PRKN: variants seen among roughly 807,000 people sequenced by gnomAD.
PRKN encodes the protein E3 ubiquitin-protein ligase parkin.
Under a neutral mutation model 59.5 loss-of-function variants are expected in PRKN, and 56 were observed. The observed-to-expected ratio is 0.94, with a 90% CI of 0.76 to 1.18. The LOEUF (loss-of-function observed/expected upper bound fraction) is 1.18, where lower values mean the gene tolerates loss of function less well. PRKN is among the 50% of genes most tolerant of loss of function. The pLI is 0.00. For synonymous variants in PRKN, 250 were observed against 222.1 expected (o/e 1.13, Z -1.12); for missense variants, 657 against 596.4 (o/e 1.10, Z -1.06).
At chr6:162,522,656 T>C (rs1778123590) in intron 1 of PRKN, among the ~76,000 whole-genome samples, 1 of 152,200 alleles carries the variant, frequency 6.6e-6, no homozygotes, top group Admixed American at 6.5e-5. Flanking sequence ...CTCCAAGAGC[T>C]ATTAGGTGAG....
At chr6:162,422,350 T>G (rs1451206359) in intron 2 of PRKN, among the ~76,000 whole-genome samples, 1 of 152,186 alleles carries the variant, frequency 6.6e-6, no homozygotes, top group Non-Finnish European at 1.5e-5. Context: ...ACAGTAACAT[T>G]GCTGTCAAGC....
intron 6 of PRKN, among the ~76,000 whole-genome samples, chr6:161,943,317 T>C (rs936358538): frequency 3.3e-5 from 5 of 152,256 alleles, no homozygotes; most frequent in African/African-American, 1.2e-4. Flanking sequence ...ATGTCATTCA[T>C]CAAATGCTAT....
chr6:161,665,545 G>T (rs540464994), intron 7 of PRKN, among the ~76,000 whole-genome samples: 2 of 152,224 alleles, frequency 1.3e-5, no homozygotes, highest in East Asian at 3.9e-4. Flanking sequence ...ATTCAGGTAG[G>T]CTCCATGCCG....
chr6:161,800,946 G>A (rs1405659853), intron 6 of PRKN, among the ~76,000 whole-genome samples: 1 of 152,184 alleles, frequency 6.6e-6, no homozygotes, highest in East Asian at 1.9e-4. Context: ...GCCCACTCCT[G>A]TGTTTTCTCT....
At chr6:162,602,347 G>GGGA (rs1781745368) in intron 1 of PRKN, among the ~76,000 whole-genome samples, 1 of 152,176 alleles carries the variant, frequency 6.6e-6, no homozygotes. Context: ...GGGAAGCAAG[G>GGGA]GGAGGCATCA....
intron 5 of PRKN, among the ~76,000 whole-genome samples, chr6:161,990,066 C>T (rs2128257885): frequency 6.6e-6 from 1 of 152,198 alleles, no homozygotes; most frequent in Admixed American, 6.5e-5. Context: ...ACCCAGGAGC[C>T]CAAGGACCAG....
chr6:162,558,327 C>CTTTT (rs71278562), intron 1 of PRKN, among the ~76,000 whole-genome samples: 34,590 of 132,324 alleles, frequency 0.26, 5,433 homozygotes, highest in East Asian at 0.45. Context: ...TTAATTTTCC[C>CTTTT]TTTTTTTTTT....
intron 6 of PRKN, among the ~76,000 whole-genome samples, chr6:161,897,810 A>G (rs1163674237): frequency 2.8e-5 from 3 of 106,496 alleles, no homozygotes; most frequent in South Asian, 6.8e-4. Context: ...TCTACTGAAA[A>G]TACAAAAAGT....
Position 162,133,824 on chromosome 6 carries a change from A to T in PRKN, c.534+67307T>A, listed in dbSNP as rs1347342747. On this transcript the variant is annotated intron_variant, in intron 4 of 11. Transcript: ENST00000366898. ...AAGAAAATGACCATGTCATTTGGGGATGTGAGGATTCTTGGAGTCGTTTTG... is the reference window on the plus strand; with the variant it reads ...AAGAAAATGACCATGTCATTTGGGGTTGTGAGGATTCTTGGAGTCGTTTTG... Among the ~76,000 whole-genome samples, 3 of 151,992 alleles carry T rather than the reference A, an allele frequency of 2.0e-5. No individual in the cohort carries two copies. The South Asian group carries it at 6.2e-4, about 32-fold the overall frequency.
chr6:162,573,022 A>G (rs897123960), intron 1 of PRKN, among the ~76,000 whole-genome samples: 2 of 152,214 alleles, frequency 1.3e-5, no homozygotes, highest in African/African-American at 4.8e-5. Context: ...GACATACAGA[A>G]TATCTTAAAA....
chr6:162,426,017 T>C (rs942652465), intron 2 of PRKN, among the ~76,000 whole-genome samples: 1 of 152,196 alleles, frequency 6.6e-6, no homozygotes, highest in Non-Finnish European at 1.5e-5. Flanking sequence ...ACTCATAGCA[T>C]ACTTACCAGT....
chr6:162,388,899 C>T (rs1787001635), intron 2 of PRKN, among the ~76,000 whole-genome samples: 1 of 151,290 alleles, frequency 6.6e-6, no homozygotes, highest in South Asian at 2.1e-4. Context: ...AAGACTTACC[C>T]ACTGTCCAGT....
chr6:161,786,663 C>T (rs1395946332), intron 6 of PRKN, among the ~76,000 whole-genome samples: 1 of 152,018 alleles, frequency 6.6e-6, no homozygotes, highest in Non-Finnish European at 1.5e-5. Flanking sequence ...TCCCCACTAT[C>T]AAAAGAAAAA....
In PRKN at chr6:161,447,754, A is replaced by G. The variant is rs183740300; in HGVS notation, c.1084-60877T>C. The stretch of plus-strand genomic sequence containing the variant: ...ATGATCAGCCCGCCTCGGCCTCCCA[A>G]TGTGCTGGGATTACAGGTATGAGCC... On this transcript the variant is annotated intron_variant, in intron 9 of 11. Transcript: ENST00000366898. This position sits in a 1 kb window ranked among gnomAD's most constrained non-coding sequence, Gnocchi z 4.1. 9.7e-4 allele frequency among the ~76,000 whole-genome samples: 148 copies of G among 152,230 alleles called. No homozygotes were observed. The highest frequency in any genetic ancestry group is 3.5e-3 in the African/African-American group (144 of 41,524).
chr6:161,636,050 C>T (rs138789566), intron 7 of PRKN, among the ~76,000 whole-genome samples: 1 of 152,288 alleles, frequency 6.6e-6, no homozygotes, highest in African/African-American at 2.4e-5. Context: ...CTGGTGCCCC[C>T]GAAACATGAG....
intron 1 of PRKN, among the ~76,000 whole-genome samples, chr6:162,628,180 G>T (rs1782971565): frequency 6.6e-6 from 1 of 152,146 alleles, no homozygotes; most frequent in Admixed American, 6.6e-5. Flanking sequence ...GGTCGTTTCT[G>T]AAAGTTTTGA....
chr6:162,556,178 A>C (rs1779560811), intron 1 of PRKN, among the ~76,000 whole-genome samples: 1 of 152,076 alleles, frequency 6.6e-6, no homozygotes, highest in African/African-American at 2.4e-5. Context: ...GAAACAGGTA[A>C]GTAAGACATA....
chr6:162,406,667 C>T (rs1321020152), intron 2 of PRKN, among the ~76,000 whole-genome samples: 3 of 152,156 alleles, frequency 2.0e-5, no homozygotes, highest in Non-Finnish European at 2.9e-5. Flanking sequence ...TACCAAGGCC[C>T]TGGGAACCCT....
In PRKN at chr6:161,575,892, T is replaced by G. The variant is rs1484811858; in HGVS notation, c.872-6476A>C. Among the ~76,000 whole-genome samples the G allele has an allele frequency of 6.6e-6, 1 of 152,122 alleles. No individual in the cohort carries two copies. Among genetic ancestry groups the G allele is most frequent in the Non-Finnish European group, 1.5e-5 (1 of 68,024 alleles). On this transcript the variant is annotated intron_variant, in intron 7 of 11. Transcript: ENST00000366898. The surrounding 1 kb of genome is among the most constrained non-coding windows in gnomAD (Gnocchi z 4.6). The stretch of plus-strand genomic sequence containing the variant: ...GAAACCGACTAACGACAAAATGGCA[T>G]CAAAAATAAATGAAGATTCAATGTG...
Sources: allele counts gnomAD v4.1 joint callset (sites outside exome capture counted in the v4.1 genomes callset), GRCh38; gene constraint gnomAD v4.1.1; non-coding constraint Gnocchi (gnomAD v3.1); transcripts MANE v1.5; gene names NCBI Gene and HGNC (gene_info 2026-07-23, HGNC 2026-07-21).